The following CLECL1 variants were observed in gnomAD, a reference collection of about 807,000 sequenced individuals.
The protein encoded by CLECL1 is C-type lectin-like domain family 1.
At chr12:9,722,798 G>T (rs1488750907) in exon 4 of CLECL1, 1 of 1,607,250 alleles carries the variant, frequency 6.2e-7, no homozygotes. Flanking sequence ...ATGGACAGTA[G>T]AAAAGTTGAA....
chr12:9,713,016 T>C (rs1866210464), downstream of CLECL1, among the ~76,000 whole-genome samples: 1 of 152,212 alleles, frequency 6.6e-6, no homozygotes, highest in Non-Finnish European at 1.5e-5. Flanking sequence ...ATCGGCAAGC[T>C]ACTGCCTCAA....
downstream of CLECL1, among the ~76,000 whole-genome samples, chr12:9,711,545 CCG>C (rs1866201016): frequency 6.6e-6 from 1 of 151,824 alleles, no homozygotes; most frequent in Non-Finnish European, 1.5e-5. Flanking sequence ...TTAGTTTTCA[CCG>C]TACTCAACTA....
At chr12:9,713,009 G>A (rs965933893), downstream of CLECL1, among the ~76,000 whole-genome samples, 5 of 152,088 alleles carry the variant, frequency 3.3e-5, no homozygotes, top group African/African-American at 9.7e-5. Flanking sequence ...TGGGAGCATC[G>A]GCAAGCTACT....
the CLECL1 span, among the ~76,000 whole-genome samples, chr12:9,707,760 C>G: frequency 6.6e-6 from 1 of 152,206 alleles, no homozygotes; most frequent in African/African-American, 2.4e-5. Flanking sequence ...AAAACCCTGC[C>G]ACTTCTCTTT....
At chr12:9,731,349 G>A (rs751206940) in intron 1 of CLECL1, among the ~76,000 whole-genome samples, 2 of 152,268 alleles carry the variant, frequency 1.3e-5, no homozygotes, top group South Asian at 4.1e-4. Flanking sequence ...GGTGTGAGGT[G>A]CTAGAAACAC....
downstream of CLECL1, among the ~76,000 whole-genome samples, chr12:9,721,836 T>C (rs1866317231): frequency 6.6e-6 from 1 of 152,222 alleles, no homozygotes; most frequent in Non-Finnish European, 1.5e-5. Context: ...GACAGAGCCT[T>C]ACAGTTTGAC....
chr12:9,713,561 A>C (rs1392602602), downstream of CLECL1, among the ~76,000 whole-genome samples: 1 of 152,232 alleles, frequency 6.6e-6, no homozygotes, highest in Non-Finnish European at 1.5e-5. Flanking sequence ...AGTATAAAAC[A>C]ATATAAAACA....
chr12:9,709,254 G>C, the CLECL1 span: 1 of 152,028 alleles, frequency 6.6e-6, no homozygotes, highest in African/African-American at 2.4e-5. Flanking sequence ...ATGAGTCCCA[G>C]AGGCACCCCC....
downstream of CLECL1, chr12:9,722,505 C>G (rs1033252503): frequency 5.3e-6 from 7 of 1,329,326 alleles, no homozygotes; most frequent in Admixed American, 1.3e-4. Flanking sequence ...TGTAATTCAA[C>G]AATTCATTCA....
chr12:9,704,687 T>A, the CLECL1 span, among the ~76,000 whole-genome samples: 1 of 152,196 alleles, frequency 6.6e-6, no homozygotes, highest in Non-Finnish European at 1.5e-5. Context: ...CTGTGATAGT[T>A]TGGTAAGAAT....
intron 2 of CLECL1, among the ~76,000 whole-genome samples, chr12:9,728,403 T>C (rs1225036154): frequency 6.6e-6 from 1 of 151,816 alleles, no homozygotes; most frequent in Non-Finnish European, 1.5e-5. Context: ...CTTATGTTGA[T>C]ACATCATACT....
downstream of CLECL1, among the ~76,000 whole-genome samples, chr12:9,721,447 A>G (rs146291751): frequency 2.0e-5 from 3 of 152,296 alleles, no homozygotes; most frequent in East Asian, 5.8e-4. Context: ...TCTGACTCAT[A>G]TATTTACTTA....
At chr12:9,711,185 A>G (rs1866197667), downstream of CLECL1, among the ~76,000 whole-genome samples, 1 of 152,152 alleles carries the variant, frequency 6.6e-6, no homozygotes, top group Non-Finnish European at 1.5e-5. Context: ...AGGTTTGAGC[A>G]GGGAGGCACT....
chr12:9,724,178 C>T lies in CLECL1; in HGVS notation n.263-1365G>A, dbSNP rs1442972926. On this transcript the variant is annotated intron_variant and non_coding_transcript_variant, in intron 3 of 3. Coordinates refer to ENST00000621400, the Ensembl canonical transcript of CLECL1. ...CACTCCAGCCAGGGTGACAAAGCAA[C>T]TCCATGAAAAAAAAAAAAAGAAAAA... Among the ~76,000 whole-genome samples the T allele has an allele frequency of 2.6e-5, 3 of 115,710 alleles. No individual in the cohort carries two copies. The East Asian group carries it at 6.6e-4, about 26-fold the overall frequency. The allele number at this position is 115,710 out of a possible 152,430, so 75.9% of individuals were successfully genotyped here.
downstream of CLECL1, among the ~76,000 whole-genome samples, chr12:9,714,676 T>G (rs10844562): frequency 0.28 from 42,867 of 152,122 alleles, 6,660 homozygotes; most frequent in South Asian, 0.46. Context: ...TTTTAGAACT[T>G]AAAAATTGTC....
At chr12:9,703,311 A>C in the CLECL1 span, among the ~76,000 whole-genome samples, 11 of 152,098 alleles carry the variant, frequency 7.2e-5, no homozygotes, top group Non-Finnish European at 1.5e-5. Context: ...CTACTGGAGG[A>C]TATTTGTAAA....
intron 1 of CLECL1, among the ~76,000 whole-genome samples, chr12:9,731,531 A>C (rs765860538): frequency 6.6e-6 from 1 of 152,352 alleles, no homozygotes; most frequent in Non-Finnish European, 1.5e-5. Context: ...TATGTAAGAC[A>C]ACAAAAATCT....
the CLECL1 span, among the ~76,000 whole-genome samples, chr12:9,708,090 A>G: frequency 6.6e-6 from 1 of 152,172 alleles, no homozygotes; most frequent in Admixed American, 6.5e-5. Context: ...GGAGGGTGGG[A>G]GGAAGCTGGG....
chr12:9,719,716 T>C (rs781365248), downstream of CLECL1, among the ~76,000 whole-genome samples: 1 of 151,934 alleles, frequency 6.6e-6, no homozygotes, highest in African/African-American at 2.4e-5. Context: ...TGAGAAAGAG[T>C]GAGATCCTGT....
Sources: gnomAD v4.1 joint callset for allele counts (sites outside exome capture counted in the v4.1 genomes callset) on GRCh38, gnomAD v4.1.1 for gene constraint, MANE v1.5 for transcripts, NCBI Gene and HGNC (gene_info 2026-07-23, HGNC 2026-07-21) for gene names.